Variants in PLAG1 observed in about 807,000 individuals in gnomAD.
The protein encoded by PLAG1 is zinc finger protein PLAG1.
A neutral mutation model predicts 35.5 loss-of-function variants in PLAG1; 7 were observed. The observed-to-expected ratio is 0.20, with a 90% CI of 0.11 to 0.37. The LOEUF (loss-of-function observed/expected upper bound fraction) is 0.37. PLAG1 is among the 10% of genes least tolerant of loss of function. The probability of loss-of-function intolerance (pLI) is 1.00; values close to 1 mark genes in which losing one functional copy is unlikely to be tolerated. For missense variants in PLAG1, 454 were observed against 602.8 expected (o/e 0.75, Z 2.58); for synonymous variants, 229 against 225.4 (o/e 1.02, Z -0.14).
rs1296452107 is a variant in PLAG1 at position 56,166,575 on chromosome 8, G to A, written c.1171C>T (p.Leu391=). The change falls in exon 5 of 5, where the codon CTA becomes TTA. Residue 391 remains leucine (L), a synonymous_variant. Coordinates refer to ENST00000316981, the MANE Select transcript of PLAG1 (RefSeq NM_002655.3). ...GAGAGGTCTCCTGCACCATCATCTA[G>A]GGACCCAATCTGAGGATCCAACCCT... ...KLGLDPQIGS[L]DDGAGDLSLS... 5.0e-6 allele frequency: 8 copies of A among 1,613,878 alleles called. No homozygotes were observed. The South Asian group carries it at 6.6e-5, about 13-fold the overall frequency.
At chr8:56,192,854 A>G (rs966138105) in intron 1 of PLAG1, among the ~76,000 whole-genome samples, 1 of 152,210 alleles carries the variant, frequency 6.6e-6, no homozygotes, top group Non-Finnish European at 1.5e-5. Flanking sequence ...CAATCCGCAG[A>G]ACTCAGACTT....
At position 56,167,907 on chromosome 8, in the gene PLAG1, C is replaced by G. The variant is rs1329979380; in HGVS notation, c.242+121G>C. 8.3e-6 allele frequency: 5 copies of G among 601,794 alleles called. No homozygotes were observed. Among genetic ancestry groups the G allele is most frequent in the South Asian group, 8.3e-5 (3 of 36,228 alleles). The allele number at this position is 601,794 out of a possible 1,614,324, so 37.3% of individuals were successfully genotyped here. ...AAAAACTAAACCAATGTCTAATCTACTTAACATTTCCTCTTTGCAAATTAG... is the reference window on the plus strand; with the variant it reads ...AAAAACTAAACCAATGTCTAATCTAGTTAACATTTCCTCTTTGCAAATTAG... On this transcript the variant is annotated intron_variant, in intron 4 of 4. Coordinates refer to ENST00000316981, the MANE Select transcript of PLAG1 (RefSeq NM_002655.3). This position sits in a 1 kb window ranked among gnomAD's most constrained non-coding sequence, Gnocchi z 5.9.
intron 1 of PLAG1, among the ~76,000 whole-genome samples, chr8:56,208,933 G>C (rs1585836030): frequency 6.6e-6 from 1 of 152,138 alleles, no homozygotes; most frequent in Non-Finnish European, 1.5e-5. Context: ...CCATGCATAG[G>C]ATGGACTTTA....
chr8:56,184,716 A>C (rs1443706179), intron 1 of PLAG1, among the ~76,000 whole-genome samples: 1 of 152,196 alleles, frequency 6.6e-6, no homozygotes, highest in Non-Finnish European at 1.5e-5. Flanking sequence ...CAGGAGTTCG[A>C]GTCCAGCCTG....
chr8:56,199,764 T>C (rs138827689), intron 1 of PLAG1, among the ~76,000 whole-genome samples: 18 of 152,184 alleles, frequency 1.2e-4, no homozygotes, highest in African/African-American at 4.3e-4. Context: ...GGGCTGGGCA[T>C]CATTACAGAG....
intron 3 of PLAG1, 123 bp downstream of exon 3, chr8:56,170,968 A>C (rs527927910): frequency 6.3e-6 from 1 of 158,846 alleles, no homozygotes; most frequent in Admixed American, 6.5e-5. Context: ...GGTGCATTTC[A>C]AACTATAGGA....
At chr8:56,202,923 G>A (rs902198638) in intron 1 of PLAG1, among the ~76,000 whole-genome samples, 2 of 152,008 alleles carry the variant, frequency 1.3e-5, no homozygotes, top group Non-Finnish European at 2.9e-5. Context: ...CCCAAAAGAA[G>A]GGCTTTTAAG....
chr8:56,171,114 C>G lies in PLAG1; in HGVS notation c.-141G>C, dbSNP rs1385733667. The G allele has an allele frequency of 4.1e-6, 4 of 973,558 alleles. No homozygotes were observed. In the African/African-American group the frequency reaches 7.0e-5, roughly 17 times the overall value. 60.3% of individuals were successfully genotyped at this position (973,558 alleles called of 1,614,324 possible). On this transcript the variant is annotated 5_prime_UTR_variant, in exon 3 of 5. It removes the in-frame stop codon of an upstream open reading frame in the 5' UTR. Transcript: ENST00000316981. ...ACCTGATTACTGATGGAAAAAGCCT[C>G]AGACTTTGATCTTAGCCAGTCCCAT...
chr8:56,169,263 C>A (rs1175235504), intron 3 of PLAG1, among the ~76,000 whole-genome samples: 1 of 152,120 alleles, frequency 6.6e-6, no homozygotes, highest in Non-Finnish European at 1.5e-5. Context: ...GTGTGGACTT[C>A]TGACATGGCA....
chr8:56,166,500 A>G lies in PLAG1; in HGVS notation c.1246T>C (p.Leu416=), dbSNP rs1228777187. 6.2e-7 allele frequency: 1 copy of G among 1,614,028 alleles called. No homozygotes were observed. Among genetic ancestry groups the G allele is most frequent in the Non-Finnish European group, 8.5e-7 (1 of 1,179,942 alleles). Residue 416 remains leucine, a synonymous_variant, in exon 5 of 5, where the codon TTG becomes CTG. Coordinates refer to ENST00000316981, the MANE Select transcript of PLAG1 (RefSeq NM_002655.3). The part of the protein sequence containing the change: ...SISDPLNTPA[L]DFSQLFNFIP... ...AAATTAAACAACTGAGAAAAATCCA[A>G]TGCTGGTGTGTTTAGGGGGTCACTG...
At chr8:56,174,047 T>C (rs1811617570) in intron 2 of PLAG1, among the ~76,000 whole-genome samples, 1 of 152,216 alleles carries the variant, frequency 6.6e-6, no homozygotes, top group African/African-American at 2.4e-5. Flanking sequence ...TTCACTTACC[T>C]GCATCAATAA....
chr8:56,208,669 T>C (rs906871144), intron 1 of PLAG1, among the ~76,000 whole-genome samples: 7 of 152,190 alleles, frequency 4.6e-5, no homozygotes, highest in African/African-American at 1.7e-4. Flanking sequence ...AGAAACTCCA[T>C]ATACCTGTGG....
rs1811511470 is a variant in PLAG1, at chr8:56,171,139, T to C, written c.-166A>G. 3.0e-6 allele frequency: 3 copies of C among 984,002 alleles called. No individual in the cohort carries two copies. The highest frequency in any genetic ancestry group is 3.6e-6 in the Non-Finnish European group (3 of 828,256). The allele number at this position is 984,002 out of a possible 1,614,324, so 61.0% of individuals were successfully genotyped here. On this transcript the variant is annotated 5_prime_UTR_variant, in exon 3 of 5. The change abolishes an upstream ATG in the 5' untranslated region. Transcript: ENST00000316981. Reference sequence around the variant, plus strand: ...CAGACTTTGATCTTAGCCAGTCCCATTGACTCTTCGTGGAAGAGAGTGGAA... The same window carrying C: ...CAGACTTTGATCTTAGCCAGTCCCACTGACTCTTCGTGGAAGAGAGTGGAA...
intron 2 of PLAG1, among the ~76,000 whole-genome samples, chr8:56,177,397 G>A (rs1479312147): frequency 1.3e-5 from 2 of 152,122 alleles, no homozygotes; most frequent in African/African-American, 2.4e-5. Context: ...AAGGGTAGCC[G>A]CTCTCTCCTC....
chr8:56,186,942 C>T (rs1440669121), intron 1 of PLAG1, among the ~76,000 whole-genome samples: 1 of 152,224 alleles, frequency 6.6e-6, no homozygotes, highest in Non-Finnish European at 1.5e-5. Flanking sequence ...TCTCGAACTC[C>T]TGACCTCAGG....
At chr8:56,179,748 T>A (rs1811810001) in intron 1 of PLAG1, among the ~76,000 whole-genome samples, 1 of 148,240 alleles carries the variant, frequency 6.7e-6, no homozygotes, top group South Asian at 2.1e-4. Context: ...TCTAGATTAT[T>A]CACATTTTTG....
intron 1 of PLAG1, among the ~76,000 whole-genome samples, chr8:56,208,246 T>C (rs1812751243): frequency 6.6e-6 from 1 of 152,136 alleles, no homozygotes; most frequent in East Asian, 1.9e-4. Flanking sequence ...TGAAAAGGCT[T>C]TGTAAGTCTT....
At chr8:56,170,034 T>G (rs1281806766) in intron 3 of PLAG1, among the ~76,000 whole-genome samples, 1 of 152,224 alleles carries the variant, frequency 6.6e-6, no homozygotes, top group African/African-American at 2.4e-5. Context: ...ATACCTACAT[T>G]TTTGTAAAAT....
Position 56,165,320 on chromosome 8 carries a change from A to T in PLAG1, c.*923T>A, listed in dbSNP as rs185367313. ...CACACCTCATGGCTGCAGTTCCACA[A>T]TGGCTCTAGATTATGGACTAACCGT... On this transcript the variant is annotated 3_prime_UTR_variant, in exon 5 of 5. Coordinates refer to ENST00000316981, the MANE Select transcript of PLAG1 (RefSeq NM_002655.3). 5 of 214,342 alleles carry T rather than the reference A, an allele frequency of 2.3e-5. No individual in the cohort carries two copies. Among genetic ancestry groups the T allele is most frequent in the African/African-American group, 1.1e-4 (5 of 44,192 alleles). 13.3% of individuals were successfully genotyped at this position (214,342 alleles called of 1,614,324 possible).
Sources: gnomAD v4.1 joint callset for allele counts (sites outside exome capture counted in the v4.1 genomes callset) on GRCh38, gnomAD v4.1.1 for gene constraint, Gnocchi (gnomAD v3.1) non-coding constraint, MANE v1.5 for transcripts, NCBI Gene and HGNC (gene_info 2026-07-23, HGNC 2026-07-21) for gene names.